EXOC6B: variants seen among roughly 807,000 people sequenced by gnomAD.
EXOC6B encodes exocyst complex component 6B, also known as SEC15 homolog B.
A neutral mutation model predicts 113.5 loss-of-function variants in EXOC6B; 54 were observed. The observed-to-expected ratio is 0.48, with a 90% CI of 0.38 to 0.60. The LOEUF (loss-of-function observed/expected upper bound fraction) is 0.60. EXOC6B is among the 20% of genes least tolerant of loss of function. EXOC6B has a pLI of 0.00. For missense variants in EXOC6B, 797 were observed against 977.5 expected (o/e 0.82, Z 2.46); for synonymous variants, 357 against 339.0 (o/e 1.05, Z -0.58).
At chr2:72,645,784 T>A (rs1485728844) in intron 6 of EXOC6B, among the ~76,000 whole-genome samples, 1 of 152,126 alleles carries the variant, frequency 6.6e-6, no homozygotes, top group Admixed American at 6.6e-5. Flanking sequence ...TGGGACACAT[T>A]TAAAGCAGTG....
chr2:72,432,130 A>G (rs1334398871), intron 18 of EXOC6B, among the ~76,000 whole-genome samples: 1 of 151,692 alleles, frequency 6.6e-6, no homozygotes, highest in African/African-American at 2.4e-5. Flanking sequence ...TCCGTCTCCC[A>G]GGTTCAAGCG....
In EXOC6B at chr2:72,179,132, G is replaced by A. The variant is rs1022155032; in HGVS notation, c.*203C>T. 8.8e-6 allele frequency: 5 copies of A among 565,488 alleles called. No homozygotes were observed. Among genetic ancestry groups the A allele is most frequent in the Non-Finnish European group, 1.5e-5 (5 of 335,776 alleles). The allele number at this position is 565,488 out of a possible 1,614,324, so 35.0% of individuals were successfully genotyped here. A position where few individuals can be genotyped will look rare whatever the true frequency, so the allele number is the denominator to read the frequency against. On this transcript the variant is annotated 3_prime_UTR_variant, in exon 22 of 22. Transcript: ENST00000272427. ...TAGTAATAACTTCCCCTGAGTCCCA[G>A]CCTAGCAACATCTCATGTACTTGCT...
chr2:72,648,906 G>T (rs563284312), intron 6 of EXOC6B, among the ~76,000 whole-genome samples: 1 of 152,288 alleles, frequency 6.6e-6, no homozygotes, highest in Non-Finnish European at 1.5e-5. Flanking sequence ...CACTTTGGGA[G>T]GCCGAGGCAG....
intron 20 of EXOC6B, among the ~76,000 whole-genome samples, chr2:72,313,364 C>A (rs370231832): frequency 2.6e-5 from 4 of 151,970 alleles, no homozygotes; most frequent in Non-Finnish European, 5.9e-5. Flanking sequence ...CACATGTACC[C>A]TAGAACTTAA....
At chr2:72,270,198 G>A (rs548590196) in intron 20 of EXOC6B, among the ~76,000 whole-genome samples, 1 of 152,206 alleles carries the variant, frequency 6.6e-6, no homozygotes, top group East Asian at 1.9e-4. Context: ...ACAGCAATGA[G>A]ATTTCCTGTT....
At chr2:72,270,178 T>C (rs533569836) in intron 20 of EXOC6B, among the ~76,000 whole-genome samples, 20 of 152,154 alleles carry the variant, frequency 1.3e-4, no homozygotes, top group African/African-American at 4.6e-4. Flanking sequence ...AAGCATAGGT[T>C]CCAGAGGTCA....
At chr2:72,252,054 C>T (rs1193638621) in intron 20 of EXOC6B, among the ~76,000 whole-genome samples, 1 of 152,098 alleles carries the variant, frequency 6.6e-6, no homozygotes, top group African/African-American at 2.4e-5. Flanking sequence ...CCCTTTTCTC[C>T]CTAAAATCAT....
chr2:72,428,601 C>T (rs1229033884), intron 18 of EXOC6B, among the ~76,000 whole-genome samples: 2 of 152,142 alleles, frequency 1.3e-5, no homozygotes, highest in Non-Finnish European at 2.9e-5. Flanking sequence ...GCATGGGATC[C>T]AGATCAGTAG....
At chr2:72,578,833 ATAT>A (rs1425937044) in intron 6 of EXOC6B, among the ~76,000 whole-genome samples, 7 of 152,182 alleles carry the variant, frequency 4.6e-5, no homozygotes, top group African/African-American at 1.4e-4. Flanking sequence ...TATGAAAAAA[ATAT>A]TATCCACTCA....
At chr2:72,406,428 T>C (rs1181503730) in intron 18 of EXOC6B, among the ~76,000 whole-genome samples, 1 of 152,002 alleles carries the variant, frequency 6.6e-6, no homozygotes, top group Non-Finnish European at 1.5e-5. Context: ...CCACACCTAT[T>C]CCAAAACTGA....
intron 6 of EXOC6B, among the ~76,000 whole-genome samples, chr2:72,632,447 A>G (rs1199997948): frequency 2.0e-5 from 3 of 152,220 alleles, no homozygotes; most frequent in Non-Finnish European, 4.4e-5. Flanking sequence ...ATCTCTCAGA[A>G]TCTATCCTAA....
At position 72,373,345 on chromosome 2, in the gene EXOC6B, G is replaced by A. The variant is rs141813242; in HGVS notation, c.2122+6384C>T. ...GCTAGGATTATAGGCATGAGCCACC[G>A]TGCCTGGCCTGGGCAGACATTTCTT... On this transcript the variant is annotated intron_variant, in intron 19 of 21. Coordinates refer to ENST00000272427, the MANE Select transcript of EXOC6B (RefSeq NM_015189.3). Among the ~76,000 whole-genome samples, 273 of 152,098 alleles carry A rather than the reference G, an allele frequency of 1.8e-3. 1 individual carries two copies. Among genetic ancestry groups the A allele is most frequent in the South Asian group, 4.3e-3 (21 of 4,830 alleles).
At position 72,445,397 on chromosome 2, in the gene EXOC6B, G is replaced by A. The variant is rs574322182; in HGVS notation, c.1980+19763C>T. 3.3e-5 allele frequency among the ~76,000 whole-genome samples: 5 copies of A among 152,206 alleles called. No homozygotes were observed. The South Asian group carries it at 1.0e-3, about 32-fold the overall frequency. ...TGTTCCAACCTCTGCCCATTAACCA[G>A]TTCCAAAGTTGCTTCCACATTTTTG... is the stretch of plus-strand genomic sequence containing the variant. On this transcript the variant is annotated intron_variant, in intron 18 of 21. Transcript: ENST00000272427.
chr2:72,690,661 C>T (rs944060031), intron 6 of EXOC6B, among the ~76,000 whole-genome samples: 5 of 152,082 alleles, frequency 3.3e-5, no homozygotes, highest in African/African-American at 1.2e-4. Context: ...AATATAGAGC[C>T]TGTTATATCT....
chr2:72,498,606 GTTT>G (rs74263957), intron 12 of EXOC6B, 55 bp from the exon 13 acceptor site: 171 of 842,884 alleles, frequency 2.0e-4, no homozygotes, highest in South Asian at 3.7e-4. Context: ...TTTTTTTTCG[GTTT>G]TTTTTTTTTT....
intron 18 of EXOC6B, among the ~76,000 whole-genome samples, chr2:72,381,282 G>C (rs1691662784): frequency 6.6e-6 from 1 of 152,106 alleles, no homozygotes; most frequent in African/African-American, 2.4e-5. Context: ...TCTAGTTGTA[G>C]TTTATTCCTT....
intron 6 of EXOC6B, among the ~76,000 whole-genome samples, chr2:72,685,667 C>A (rs112439649): frequency 6.6e-6 from 1 of 152,126 alleles, no homozygotes; most frequent in Non-Finnish European, 1.5e-5. Flanking sequence ...CCAGAAGTAC[C>A]TTCTAACAAA....
At chr2:72,286,936 C>T (rs1399921734) in intron 20 of EXOC6B, among the ~76,000 whole-genome samples, 1 of 151,662 alleles carries the variant, frequency 6.6e-6, no homozygotes, top group African/African-American at 2.4e-5. Flanking sequence ...GAGTTGAATG[C>T]TAAAAAGAAA....
At chr2:72,441,358 T>C (rs1478211708) in intron 18 of EXOC6B, among the ~76,000 whole-genome samples, 1 of 148,274 alleles carries the variant, frequency 6.7e-6, no homozygotes, top group Non-Finnish European at 1.5e-5. Context: ...AGCAAACAAA[T>C]CCCAAAGCTA....
Sources: allele counts gnomAD v4.1 joint callset (sites outside exome capture counted in the v4.1 genomes callset), GRCh38; gene constraint gnomAD v4.1.1; transcripts MANE v1.5; gene names NCBI Gene and HGNC (gene_info 2026-07-23, HGNC 2026-07-21).